Variants in UTRN observed in about 807,000 individuals in gnomAD.
UTRN encodes utrophin.
UTRN carries 283 observed loss-of-function variants against 463.9 expected under a neutral mutation model. The ratio of observed to expected loss-of-function variants is 0.61; its 90% CI spans 0.55 to 0.67. UTRN has a LOEUF of 0.67. Ranked by LOEUF, UTRN falls within the 30% of genes least tolerant of loss-of-function variation. UTRN has a pLI of 0.00. For synonymous variants in UTRN, 1,442 were observed against 1,431.5 expected, an observed-to-expected ratio of 1.01 and a Z score of -0.17; for missense variants, 3,922 against 4,084.3, an observed-to-expected ratio of 0.96 and a Z score of 1.08.
chr6:144,325,402 C>G (rs775009973), intron 2 of UTRN, among the ~76,000 whole-genome samples: 2 of 152,138 alleles, frequency 1.3e-5, no homozygotes, highest in Non-Finnish European at 2.9e-5. Context: ...TGCCCTTTCA[C>G]CTTTTTCCAT....
chr6:144,811,116 T>G (rs1778569048), intron 65 of UTRN, among the ~76,000 whole-genome samples: 1 of 152,064 alleles, frequency 6.6e-6, no homozygotes, highest in Non-Finnish European at 1.5e-5. Flanking sequence ...TGCCTTTTTT[T>G]TATGAACTAT....
At chr6:144,328,096 C>G (rs928460131) in intron 2 of UTRN, among the ~76,000 whole-genome samples, 1 of 152,012 alleles carries the variant, frequency 6.6e-6, no homozygotes, top group African/African-American at 2.4e-5. Context: ...TGTCTACTAT[C>G]GCAACCCCAC....
At chr6:144,762,228 A>G (rs919518468) in intron 58 of UTRN, among the ~76,000 whole-genome samples, 8 of 152,304 alleles carry the variant, frequency 5.3e-5, no homozygotes, top group Non-Finnish European at 1.0e-4. Flanking sequence ...GTTCAAACCC[A>G]GGGATTGTCT....
chr6:144,489,217 T>C (rs1366031373), intron 30 of UTRN, among the ~76,000 whole-genome samples: 3 of 152,000 alleles, frequency 2.0e-5, no homozygotes, highest in African/African-American at 4.8e-5. Flanking sequence ...GCCCGGCTAA[T>C]TTTTTGTAGT....
chr6:144,651,294 T>C (rs1182747475), intron 51 of UTRN, among the ~76,000 whole-genome samples: 3 of 152,146 alleles, frequency 2.0e-5, no homozygotes, highest in Non-Finnish European at 2.9e-5. Flanking sequence ...ACTAAAACTA[T>C]CTAAATCTCA....
At position 144,479,114 on chromosome 6, in the gene UTRN, G is replaced by GTTTTT. The variant is rs36044387; in HGVS notation, c.3337-680_3337-676dup. On this transcript the variant is annotated intron_variant, in intron 25 of 74. Coordinates refer to ENST00000367545, the MANE Select transcript of UTRN (RefSeq NM_007124.3). ...ATGGACATTTTGATTGCTTCTAGGG[G>GTTTTT]TTTTTTTTTTTTTTTTTTTTTTGAG... 2.3e-4 allele frequency among the ~76,000 whole-genome samples: 26 copies of GTTTTT among 114,782 alleles called. 1 individual carries two copies. Among genetic ancestry groups the GTTTTT allele is most frequent in the Non-Finnish European group, 3.0e-4 (17 of 56,952 alleles). The allele number at this position is 114,782 out of a possible 152,430, so 75.3% of individuals were successfully genotyped here. A position where few individuals can be genotyped will look rare whatever the true frequency, so the allele number is the denominator to read the frequency against.
intron 51 of UTRN, among the ~76,000 whole-genome samples, chr6:144,672,883 C>T (rs1331936701): frequency 6.6e-6 from 1 of 151,994 alleles, no homozygotes; most frequent in East Asian, 1.9e-4. Context: ...TATTATTGTT[C>T]AGTTCAAATA....
chr6:144,440,702 C>T (rs1014884915), intron 13 of UTRN, among the ~76,000 whole-genome samples: 1 of 152,160 alleles, frequency 6.6e-6, no homozygotes, highest in African/African-American at 2.4e-5. Context: ...TGGTTGCAGT[C>T]CCCAGCTTCC....
intron 51 of UTRN, among the ~76,000 whole-genome samples, chr6:144,627,578 C>T (rs889629471): frequency 1.1e-4 from 17 of 152,090 alleles, no homozygotes; most frequent in South Asian, 2.1e-4. Flanking sequence ...TTATCTCAAA[C>T]GGAAACTCTG....
intron 73 of UTRN, among the ~76,000 whole-genome samples, chr6:144,841,893 T>C (rs1160890219): frequency 1.3e-5 from 2 of 151,774 alleles, no homozygotes; most frequent in African/African-American, 2.4e-5. Flanking sequence ...AGGTGGATCA[T>C]GAGATCAGGA....
In UTRN at chr6:144,285,711, ACACT is replaced by A. The variant is rs1803602187; in HGVS notation, c.-201_-198del. 1 of 151,756 alleles carries A rather than the reference ACACT, an allele frequency of 6.6e-6. No homozygotes were observed. Among genetic ancestry groups the A allele is most frequent in the South Asian group, 2.1e-4 (1 of 4,804 alleles). 9.4% of individuals were successfully genotyped at this position (151,756 alleles called of 1,614,324 possible). A position where few individuals can be genotyped will look rare whatever the true frequency, so the allele number is the denominator to read the frequency against. On this transcript the variant is annotated 5_prime_UTR_variant, in exon 1 of 75. Coordinates refer to ENST00000367545, the MANE Select transcript of UTRN (RefSeq NM_007124.3). Reference sequence around the variant, plus strand: ...TTAAATACATCGCACCACCAAACTAACACTCGCACACACCCCCGCGGTTACTCCG... The same window carrying A: ...TTAAATACATCGCACCACCAAACTAACGCACACACCCCCGCGGTTACTCCG...
intron 33 of UTRN, among the ~76,000 whole-genome samples, chr6:144,498,368 T>G (rs1038908067): frequency 1.3e-5 from 2 of 152,262 alleles, no homozygotes; most frequent in Non-Finnish European, 2.9e-5. Flanking sequence ...AAGAGCTTGG[T>G]AAATGTTAGT....
chr6:144,729,720 A>G (rs1007184649), intron 53 of UTRN, among the ~76,000 whole-genome samples: 1 of 152,228 alleles, frequency 6.6e-6, no homozygotes, highest in Non-Finnish European at 1.5e-5. Flanking sequence ...CTAAAGAGAA[A>G]CTATTCTGAG....
chr6:144,555,043 T>C, intron 49 of UTRN, 150 bp downstream of exon 49: 1 of 1,060,278 alleles, frequency 9.4e-7, no homozygotes, highest in Non-Finnish European at 1.3e-6. Flanking sequence ...GAATTTGATC[T>C]GGAAGATTTT....
intron 2 of UTRN, among the ~76,000 whole-genome samples, chr6:144,353,303 A>G (rs1778274127): frequency 1.3e-5 from 2 of 151,996 alleles, no homozygotes; most frequent in African/African-American, 2.4e-5. Flanking sequence ...TTTAGTAGAG[A>G]TGGGGTTTCA....
At position 144,825,309 on chromosome 6, in the gene UTRN, A is replaced by C. The variant is rs138632709; in HGVS notation, c.9495-2039A>C. 3.1e-3 allele frequency among the ~76,000 whole-genome samples: 475 copies of C among 152,336 alleles called. 2 individuals carry two copies. Among genetic ancestry groups the C allele is most frequent in the African/African-American group, 0.011 (450 of 41,580 alleles). On this transcript the variant is annotated intron_variant, in intron 66 of 74. Coordinates refer to ENST00000367545, the MANE Select transcript of UTRN (RefSeq NM_007124.3). ...TAGGCTGCGTTCTGAAGCCTGGGCTAACACACACATTGTTCTTATTTCCAA... is the reference window on the plus strand; with the variant it reads ...TAGGCTGCGTTCTGAAGCCTGGGCTCACACACACATTGTTCTTATTTCCAA...
chr6:144,685,474 A>G (rs1251402202), intron 52 of UTRN, among the ~76,000 whole-genome samples: 1 of 152,106 alleles, frequency 6.6e-6, no homozygotes, highest in Admixed American at 6.5e-5. Flanking sequence ...ACTAATTTGC[A>G]TTCTCACCAG....
intron 3 of UTRN, among the ~76,000 whole-genome samples, chr6:144,404,932 A>G (rs1450738236): frequency 6.6e-6 from 1 of 152,244 alleles, no homozygotes; most frequent in Non-Finnish European, 1.5e-5. Flanking sequence ...TTGTGCATTT[A>G]TAATGTCTAT....
chr6:144,677,814 C>T (rs796076027), intron 51 of UTRN, among the ~76,000 whole-genome samples: 93 of 152,304 alleles, frequency 6.1e-4, no homozygotes, highest in African/African-American at 2.0e-3. Flanking sequence ...GAGATGGTAT[C>T]TCATTGTGGT....
Sources: gnomAD v4.1 joint callset for allele counts (sites outside exome capture counted in the v4.1 genomes callset) on GRCh38, gnomAD v4.1.1 for gene constraint, MANE v1.5 for transcripts, NCBI Gene and HGNC (gene_info 2026-07-23, HGNC 2026-07-21) for gene names.